SIM2: variants seen among roughly 807,000 people sequenced by gnomAD.
The protein encoded by SIM2 is single-minded homolog 2.
SIM2 carries 28 observed loss-of-function variants against 64.8 expected under a neutral mutation model. That is an observed-to-expected ratio of 0.43 (90% CI 0.32 to 0.59). The LOEUF (loss-of-function observed/expected upper bound fraction) is 0.59, where lower values mean the gene tolerates loss of function less well. Ranked by LOEUF, SIM2 falls within the 20% of genes least tolerant of loss-of-function variation. The probability of loss-of-function intolerance (pLI) is 0.07; values close to 1 mark genes in which losing one functional copy is unlikely to be tolerated. For synonymous variants in SIM2, 408 were observed against 391.1 expected, an observed-to-expected ratio of 1.04 and a Z score of -0.51; for missense variants, 847 against 871.4, an observed-to-expected ratio of 0.97 and a Z score of 0.35.
chr21:36,715,230 C>G (rs535156171), intron 3 of SIM2, among the ~76,000 whole-genome samples: 6 of 152,064 alleles, frequency 3.9e-5, no homozygotes, highest in Non-Finnish European at 7.4e-5. Flanking sequence ...TCAAATCTTC[C>G]CCCTGTTCAT....
intron 9 of SIM2, 103 bp downstream of exon 9, chr21:36,743,658 G>T: frequency 8.6e-7 from 1 of 1,157,340 alleles, no homozygotes; most frequent in African/African-American, 1.6e-5. Flanking sequence ...GCACAGCAGG[G>T]ATCTCCCTGC....
At chr21:36,718,001 G>C (rs1388612231) in intron 3 of SIM2, among the ~76,000 whole-genome samples, 1 of 152,164 alleles carries the variant, frequency 6.6e-6, no homozygotes, top group Non-Finnish European at 1.5e-5. Context: ...AAAGTGCCAG[G>C]CTTGGGAAGT....
intron 7 of SIM2, among the ~76,000 whole-genome samples, chr21:36,734,716 C>G (rs180852488): frequency 6.6e-6 from 1 of 152,202 alleles, no homozygotes; most frequent in Non-Finnish European, 1.5e-5. Context: ...GAATGTCACA[C>G]GCCTCTCCAA....
intron 1 of SIM2, among the ~76,000 whole-genome samples, chr21:36,705,468 A>G (rs1438059324): frequency 6.6e-6 from 1 of 152,212 alleles, no homozygotes; most frequent in Non-Finnish European, 1.5e-5. Context: ...GGCCGCAGGC[A>G]GGGAAGGGGT....
At chr21:36,707,999 A>G (rs1012680150) in intron 1 of SIM2, among the ~76,000 whole-genome samples, 2 of 50,716 alleles carry the variant, frequency 3.9e-5, no homozygotes, top group South Asian at 1.3e-3. Flanking sequence ...GGGACGCGCC[A>G]GCAGCGCCCG....
rs2088900264 is a variant in SIM2 at position 36,726,922 on chromosome 21, C to A, written c.743+604C>A. On this transcript the variant is annotated intron_variant, in intron 6 of 10. Coordinates refer to ENST00000290399, the MANE Select transcript of SIM2 (RefSeq NM_005069.6). This position sits in a 1 kb window ranked among gnomAD's most constrained non-coding sequence, Gnocchi z 4.5. ...TCCTGGCCTTGGGGAGTACCTCTCT[C>A]CAGACCCGTGCTGGAGTGGCCTTCA... Among the ~76,000 whole-genome samples, 2 of 152,196 alleles carry A rather than the reference C, an allele frequency of 1.3e-5. No homozygotes were observed. Among genetic ancestry groups the A allele is most frequent in the Non-Finnish European group, 2.9e-5 (2 of 68,040 alleles).
In SIM2 at chr21:36,709,196, C is replaced by A. The variant is rs1341237571; in HGVS notation, c.204C>A (p.Ser68Arg). ...TAGGAGACGCGTGGGGACAGCCGAGCCGCGCCGGGCCCCTGGACGGCGTCG... is the reference window on the plus strand; with the variant it reads ...TAGGAGACGCGTGGGGACAGCCGAGACGCGCCGGGCCCCTGGACGGCGTCG... Reference protein sequence around the residue: ...EGLGDAWGQPSRAGPLDGVAK... With the variant: ...EGLGDAWGQPRRAGPLDGVAK... Residue 68 changes from serine to arginine, a missense_variant, in exon 2 of 11, where the codon AGC becomes AGA. Physicochemically the swap from Ser to Arg is moderately radical, Grantham distance 110. Transcript: ENST00000290399. The A allele has an allele frequency of 3.1e-6, 5 of 1,610,492 alleles. No homozygotes were observed. The highest frequency in any genetic ancestry group is 4.2e-6 in the Non-Finnish European group (5 of 1,178,974).
chr21:36,703,739 G>C (rs907519659), intron 1 of SIM2, among the ~76,000 whole-genome samples: 1 of 152,234 alleles, frequency 6.6e-6, no homozygotes, highest in Non-Finnish European at 1.5e-5. Context: ...GAGGTCTGAT[G>C]GTCAGCCAGC....
intron 1 of SIM2, among the ~76,000 whole-genome samples, chr21:36,700,926 G>A (rs1429807619): frequency 1.3e-5 from 2 of 152,268 alleles, no homozygotes; most frequent in African/African-American, 4.8e-5. Context: ...GGCGCGCTGG[G>A]TGGGCTGCCC....
rs904432642 is a variant in SIM2 at position 36,726,691 on chromosome 21, G to A, written c.743+373G>A. ...ATGATGTCAGAGCTCTGCCTCCTGC[G>A]TCCAAGGAGGACTTTAGAACAAACA... is the stretch of plus-strand genomic sequence containing the variant. On this transcript the variant is annotated intron_variant, in intron 6 of 10. Transcript: ENST00000290399. This position sits in a 1 kb window ranked among gnomAD's most constrained non-coding sequence, Gnocchi z 4.5. Among the ~76,000 whole-genome samples, 4 of 152,316 alleles carry A rather than the reference G, an allele frequency of 2.6e-5. No homozygotes were observed. Among genetic ancestry groups the A allele is most frequent in the East Asian group, 1.9e-4 (1 of 5,184 alleles).
In SIM2 at chr21:36,747,635, T is replaced by G; in HGVS notation, c.1577-30T>G. The G allele has an allele frequency of 8.3e-7, 1 of 1,206,986 alleles. No homozygotes were observed. The allele number at this position is 1,206,986 out of a possible 1,614,324, so 74.8% of individuals were successfully genotyped here. ...GGGTGGCTGCGGCCGCGCCCCTTGC[T>G]GCCCTCTAACGTGTCGCCTGTCCCC... On this transcript the variant is annotated intron_variant, in intron 10 of 10. Coordinates refer to ENST00000290399, the MANE Select transcript of SIM2 (RefSeq NM_005069.6). This position sits in a 1 kb window ranked among gnomAD's most constrained non-coding sequence, Gnocchi z 4.5.
intron 3 of SIM2, among the ~76,000 whole-genome samples, chr21:36,714,868 G>A (rs1193948242): frequency 6.6e-6 from 1 of 152,194 alleles, no homozygotes; most frequent in Non-Finnish European, 1.5e-5. Flanking sequence ...TCCACGGAAG[G>A]AAATCCAGGC....
At chr21:36,706,702 G>A (rs77652672) in intron 1 of SIM2, among the ~76,000 whole-genome samples, 6,769 of 152,244 alleles carry the variant, frequency 0.044, 172 homozygotes, top group African/African-American at 0.074. Context: ...ATTGGTTTCT[G>A]ATGGAACAGC....
At chr21:36,723,717 C>T (rs1257538034) in intron 5 of SIM2, among the ~76,000 whole-genome samples, 3 of 152,208 alleles carry the variant, frequency 2.0e-5, no homozygotes, top group East Asian at 1.9e-4. Flanking sequence ...GGCTTGGTGG[C>T]GGAGCTGGGA....
intron 5 of SIM2, among the ~76,000 whole-genome samples, chr21:36,724,571 G>T (rs974169264): frequency 4.6e-5 from 7 of 152,316 alleles, no homozygotes; most frequent in African/African-American, 1.7e-4. Flanking sequence ...GAGCCACCGC[G>T]CCTGGATGGG....
chr21:36,738,676 C>T (rs2089109402), intron 7 of SIM2, among the ~76,000 whole-genome samples: 1 of 152,218 alleles, frequency 6.6e-6, no homozygotes, highest in Admixed American at 6.5e-5. Flanking sequence ...CCTGGTGCTG[C>T]CCACCTCCCA....
At position 36,709,158 on chromosome 21, in the gene SIM2, C is replaced by T. The variant is rs1432021288; in HGVS notation, c.176-10C>T. 16 of 1,605,224 alleles carry T rather than the reference C, an allele frequency of 1.0e-5. No individual in the cohort carries two copies. The highest frequency in any genetic ancestry group is 1.3e-5 in the Non-Finnish European group (15 of 1,176,780). On this transcript the variant is annotated splice_polypyrimidine_tract_variant and intron_variant, in intron 1 of 10. Coordinates refer to ENST00000290399, the MANE Select transcript of SIM2 (RefSeq NM_005069.6). ...TGCAGTTTACCGATTTGCTTTCGTC[C>T]CTCGTCCAGGTTTAGGAGACGCGTG...
rs1342960344 is a variant in SIM2, at chr21:36,726,926, A to AC, written c.743+611dup. 6.6e-6 allele frequency among the ~76,000 whole-genome samples: 1 copy of AC among 152,148 alleles called. No individual in the cohort carries two copies. The highest frequency in any genetic ancestry group is 2.4e-5 in the African/African-American group (1 of 41,422). ...GGCCTTGGGGAGTACCTCTCTCCAG[A>AC]CCCGTGCTGGAGTGGCCTTCACTCT... On this transcript the variant is annotated intron_variant, in intron 6 of 10. Coordinates refer to ENST00000290399, the MANE Select transcript of SIM2 (RefSeq NM_005069.6). This position sits in a 1 kb window ranked among gnomAD's most constrained non-coding sequence, Gnocchi z 4.5.
intron 2 of SIM2, 66 bp downstream of exon 2, chr21:36,709,316 G>T (rs1358070313): frequency 4.6e-6 from 6 of 1,308,118 alleles, no homozygotes; most frequent in Middle Eastern, 3.6e-4. Context: ...CGCCACCCCA[G>T]CCTCCAGGCG....
Sources: gnomAD v4.1 joint callset for allele counts (sites outside exome capture counted in the v4.1 genomes callset) on GRCh38, gnomAD v4.1.1 for gene constraint, Gnocchi (gnomAD v3.1) non-coding constraint, MANE v1.5 for transcripts, NCBI Gene and HGNC (gene_info 2026-07-23, HGNC 2026-07-21) for gene names.